Variants in CACNA1S observed in about 807,000 individuals in gnomAD.
CACNA1S encodes the protein calcium voltage-gated channel subunit alpha1 S.
In CACNA1S, 126 loss-of-function variants were observed where a neutral mutation model predicts 207.4. The observed-to-expected ratio is 0.61, with a 90% confidence interval of 0.53 to 0.70. The LOEUF is 0.70. Ranked by LOEUF, CACNA1S falls within the 30% of genes least tolerant of loss-of-function variation. The pLI is 0.00. For missense variants in CACNA1S, 2,349 were observed against 2,422.8 expected (o/e 0.97, Z 0.64); for synonymous variants, 960 against 932.7 (o/e 1.03, Z -0.53).
chr1:201,040,823 A>G, intron 41 of CACNA1S, 110 bp from the exon 42 acceptor site: 2 of 805,632 alleles, frequency 2.5e-6, no homozygotes, highest in Non-Finnish European at 4.2e-6. Flanking sequence ...GAGCTCTGAG[A>G]TTCTCAGGGC....
At chr1:201,049,624 A>C (rs1266544376) in intron 34 of CACNA1S, among the ~76,000 whole-genome samples, 2 of 152,200 alleles carry the variant, frequency 1.3e-5, no homozygotes, top group African/African-American at 4.8e-5. Flanking sequence ...GAGAAAAATC[A>C]TTTTGGAAAG....
intron 28 of CACNA1S, among the ~76,000 whole-genome samples, chr1:201,056,958 G>A (rs1290564993): frequency 6.6e-6 from 1 of 151,978 alleles, no homozygotes; most frequent in Non-Finnish European, 1.5e-5. Flanking sequence ...AGCCAGCCCC[G>A]GCCCCCATCG....
intron 10 of CACNA1S, among the ~76,000 whole-genome samples, chr1:201,082,191 G>A (rs978776680): frequency 2.0e-5 from 3 of 152,168 alleles, no homozygotes; most frequent in Non-Finnish European, 4.4e-5. Flanking sequence ...ACCACGCCCA[G>A]CTAATTTTTG....
chr1:201,068,367 T>C lies in CACNA1S; in HGVS notation c.2550+770A>G, dbSNP rs543482023. Among the ~76,000 whole-genome samples the C allele has an allele frequency of 1.6e-3, 236 of 148,488 alleles. 7 individuals carry two copies. The South Asian group carries it at 0.049, about 31-fold the overall frequency. ...AAGCAATTCTCCTGCCTCAGCCTCC[T>C]GAGTAGTTGGGATTACAGGTGCCTG... On this transcript the variant is annotated intron_variant, in intron 19 of 43. Coordinates refer to ENST00000362061, the MANE Select transcript of CACNA1S (RefSeq NM_000069.3).
At chr1:201,061,603 G>A in intron 24 of CACNA1S, 135 bp from the exon 25 acceptor site, 2 of 848,122 alleles carry the variant, frequency 2.4e-6, no homozygotes, top group Middle Eastern at 3.1e-4. Flanking sequence ...TACGGGACAG[G>A]AGTTAGGTCG....
chr1:201,088,081 T>C, intron 6 of CACNA1S, 152 bp from the exon 7 acceptor site: 1 of 685,514 alleles, frequency 1.5e-6, no homozygotes, highest in Admixed American at 2.0e-5. Context: ...AGGACTAGTC[T>C]GGAAGAACTT....
intron 24 of CACNA1S, 90 bp from the exon 25 acceptor site, chr1:201,061,558 G>T: frequency 7.8e-7 from 1 of 1,274,164 alleles, no homozygotes; most frequent in Non-Finnish European, 1.1e-6. Flanking sequence ...CCCACTGGCT[G>T]TGGAGAGCCA....
At chr1:201,041,910 T>C in intron 40 of CACNA1S, 1 of 418,944 alleles carries the variant, frequency 2.4e-6, no homozygotes. Flanking sequence ...TGGCCACACA[T>C]AGGATCACCT....
At position 201,044,312 on chromosome 1, in the gene CACNA1S, C is replaced by T. The variant is rs765124358; in HGVS notation, c.4797+16G>A. On this transcript the variant is annotated intron_variant, in intron 39 of 43. Transcript: ENST00000362061. ...TGGTGTCTAGACCACTAGGGGTGCTCCTGGCTCTCCCTCACCCGGAATATT... is the reference window on the plus strand; with the variant it reads ...TGGTGTCTAGACCACTAGGGGTGCTTCTGGCTCTCCCTCACCCGGAATATT... 44 of 1,612,738 alleles carry T rather than the reference C, an allele frequency of 2.7e-5. No homozygotes were observed. Among genetic ancestry groups the T allele is most frequent in the Middle Eastern group, 3.3e-4 (2 of 6,082 alleles).
At chr1:201,040,432 G>A (rs1572012265) in intron 42 of CACNA1S, 58 bp from the exon 43 acceptor site, 2 of 1,599,734 alleles carry the variant, frequency 1.3e-6, no homozygotes, top group East Asian at 4.5e-5. Flanking sequence ...CCACCAATGA[G>A]CAAAATTCCA....
chr1:201,094,018 T>C lies in CACNA1S; in HGVS notation c.262A>G (p.Lys88Glu), dbSNP rs140330831. ...ACAATGAGGAAGAAATACTCCAGCTTCTCCTGTGGGAGCAAACGTGGTCAC... is the reference window on the plus strand; with the variant it reads ...ACAATGAGGAAGAAATACTCCAGCTCCTCCTGTGGGAGCAAACGTGGTCAC... ...DNNSLNLGLE[K>E]LEYFFLIVFS... The change falls in exon 3 of 44, where the codon AAG becomes GAG. Residue 88 changes from lysine to glutamate, a missense_variant. Coordinates refer to ENST00000362061, the MANE Select transcript of CACNA1S (RefSeq NM_000069.3). 1.5e-4 allele frequency: 248 copies of C among 1,614,008 alleles called. No homozygotes were observed. The highest frequency in any genetic ancestry group is 1.9e-4 in the Non-Finnish European group (219 of 1,180,018).
At position 201,061,279 on chromosome 1, in the gene CACNA1S, C is replaced by G. The variant is rs759063720; in HGVS notation, c.3243G>C (p.Leu1081=). 3.7e-6 allele frequency: 6 copies of G among 1,614,018 alleles called. No individual in the cohort carries two copies. The East Asian group carries it at 1.3e-4, about 36-fold the overall frequency. Residue 1081 remains leucine, a synonymous_variant, in exon 25 of 44, where the codon CTG becomes CTC. Transcript: ENST00000362061. ...GCAGCCCAGGCACCTGGTTCTTGTC[C>G]AGCTCACAGTTCTTGTACTCAGTCT... ...QGETEYKNCE[L]DKNQRQCVQY...
chr1:201,061,561 G>C lies in CACNA1S; in HGVS notation c.3054-93C>G, dbSNP rs770445903. The C allele has an allele frequency of 3.5e-6, 4 of 1,142,040 alleles. No homozygotes were observed. In the African/African-American group the frequency reaches 6.1e-5, roughly 17 times the overall value. The allele number at this position is 1,142,040 out of a possible 1,614,324, so 70.7% of individuals were successfully genotyped here. A position where few individuals can be genotyped will look rare whatever the true frequency, so the allele number is the denominator to read the frequency against. On this transcript the variant is annotated intron_variant, in intron 24 of 43. Coordinates refer to ENST00000362061, the MANE Select transcript of CACNA1S (RefSeq NM_000069.3). Reference sequence around the variant, plus strand: ...GATGGGCTTTATCCCACTGGCTGTGGAGAGCCAAGAGAGCCTTCTCAACAA... The same window carrying C: ...GATGGGCTTTATCCCACTGGCTGTGCAGAGCCAAGAGAGCCTTCTCAACAA...
At chr1:201,075,656 G>T in intron 12 of CACNA1S, 41 bp from the exon 13 acceptor site, 2 of 1,609,528 alleles carry the variant, frequency 1.2e-6, no homozygotes, top group Non-Finnish European at 1.7e-6. Context: ...ACACAGAGGG[G>T]CCTGAGAGTC....
chr1:201,078,365 G>T (rs1408230826), intron 10 of CACNA1S, among the ~76,000 whole-genome samples: 1 of 151,980 alleles, frequency 6.6e-6, no homozygotes, highest in Non-Finnish European at 1.5e-5. Flanking sequence ...CATCCAGCTA[G>T]TTTTTTGTAT....
At chr1:201,074,138 C>T (rs1392187059) in intron 14 of CACNA1S, among the ~76,000 whole-genome samples, 1 of 151,802 alleles carries the variant, frequency 6.6e-6, no homozygotes, top group African/African-American at 2.4e-5. Context: ...GCATGGGCAC[C>T]ACCGGGGAGC....
chr1:201,051,922 G>C (rs572114647), intron 32 of CACNA1S, among the ~76,000 whole-genome samples: 1 of 152,332 alleles, frequency 6.6e-6, no homozygotes, highest in African/African-American at 2.4e-5. Context: ...GGCCATAAGG[G>C]CTGCAGGCTG....
intron 22 of CACNA1S, among the ~76,000 whole-genome samples, chr1:201,065,176 TG>T (rs1661198458): frequency 6.6e-6 from 1 of 152,248 alleles, no homozygotes; most frequent in African/African-American, 2.4e-5. Flanking sequence ...AAACTGGATC[TG>T]GACTTGCCAC....
chr1:201,069,104 C>T, intron 19 of CACNA1S, 33 bp downstream of exon 19: 1 of 1,600,542 alleles, frequency 6.2e-7, no homozygotes, highest in Non-Finnish European at 8.6e-7. Flanking sequence ...AGGGAAACTC[C>T]CTCCCCAGGG....
Sources: gnomAD v4.1 joint callset for allele counts (sites outside exome capture counted in the v4.1 genomes callset) on GRCh38, gnomAD v4.1.1 for gene constraint, MANE v1.5 for transcripts, NCBI Gene and HGNC (gene_info 2026-07-23, HGNC 2026-07-21) for gene names.